The following TPH2 variants were observed in gnomAD, a reference collection of about 807,000 sequenced individuals.
TPH2 encodes tryptophan 5-hydroxylase 2.
A neutral mutation model predicts 59.1 loss-of-function variants in TPH2; 27 were observed. The observed-to-expected ratio is 0.46, with a 90% CI of 0.34 to 0.63. The LOEUF is 0.63. Among genes scored for constraint, TPH2 ranks in the 30% least tolerant of loss-of-function variants. TPH2 has a pLI of 0.01. For synonymous variants in TPH2, 220 were observed against 210.5 expected (o/e 1.05, Z -0.39); for missense variants, 523 against 588.3 (o/e 0.89, Z 1.15).
intron 8 of TPH2, among the ~76,000 whole-genome samples, chr12:72,022,110 T>C (rs889094243): frequency 3.7e-4 from 56 of 152,182 alleles, no homozygotes; most frequent in African/African-American, 1.3e-3. Flanking sequence ...TCTACATCTG[T>C]GTTTTTTGTT....
chr12:72,010,800 A>G (rs1254786967), intron 8 of TPH2, among the ~76,000 whole-genome samples: 2 of 152,182 alleles, frequency 1.3e-5, no homozygotes, highest in Admixed American at 1.3e-4. Flanking sequence ...AGCATTCGAG[A>G]GCTGACCTTT....
Position 71,941,676 on chromosome 12 carries a change from T to G in TPH2, c.198T>G (p.Val66=). 6.2e-7 allele frequency: 1 copy of G among 1,614,122 alleles called. No homozygotes were observed. ...CTACCGAAAGTGGCAAGACAGCAGT[T>G]GTTTTCTCCTTGAAGAATGAAGTTG... ...EAATESGKTA[V]VFSLKNEVGG... Residue 66 remains valine (V), a synonymous_variant, in exon 2 of 11, where the codon GTT becomes GTG. Coordinates refer to ENST00000333850, the MANE Select transcript of TPH2 (RefSeq NM_173353.4).
At chr12:72,000,676 C>T (rs748676615) in intron 8 of TPH2, among the ~76,000 whole-genome samples, 2 of 152,172 alleles carry the variant, frequency 1.3e-5, no homozygotes, top group Admixed American at 6.5e-5. Flanking sequence ...GCTTTTCTAA[C>T]AACTGGATGA....
chr12:72,006,084 T>C (rs186815404), intron 8 of TPH2, among the ~76,000 whole-genome samples: 265 of 152,264 alleles, frequency 1.7e-3, no homozygotes, highest in African/African-American at 5.9e-3. Context: ...CTATGCGGTT[T>C]TCCTGAGCTG....
intron 6 of TPH2, 41 bp from the exon 7 acceptor site, chr12:71,978,911 C>G: frequency 1.2e-6 from 2 of 1,613,814 alleles, no homozygotes; most frequent in Non-Finnish European, 1.7e-6. Flanking sequence ...TCAAGTCTTG[C>G]TGGGTTAATA....
intron 7 of TPH2, among the ~76,000 whole-genome samples, chr12:71,988,364 G>A (rs1342499601): frequency 6.6e-6 from 1 of 152,176 alleles, no homozygotes; most frequent in Non-Finnish European, 1.5e-5. Context: ...GTAAAGAAAA[G>A]GGGTTTAATT....
chr12:72,009,772 A>G (rs1376261905), intron 8 of TPH2, among the ~76,000 whole-genome samples: 1 of 152,228 alleles, frequency 6.6e-6, no homozygotes, highest in East Asian at 1.9e-4. Flanking sequence ...AAAGCTAGAC[A>G]GACCCCTGTC....
intron 4 of TPH2, among the ~76,000 whole-genome samples, chr12:71,945,762 A>T (rs935329857): frequency 6.6e-6 from 1 of 152,204 alleles, no homozygotes; most frequent in African/African-American, 2.4e-5. Flanking sequence ...CATTTGACAT[A>T]ATATACCAAC....
Position 72,031,277 on chromosome 12 carries a change from C to T in TPH2, c.1184C>T (p.Ala395Val). 6.2e-7 allele frequency: 1 copy of T among 1,613,518 alleles called. No homozygotes were observed. The highest frequency in any genetic ancestry group is 8.5e-7 in the Non-Finnish European group (1 of 1,179,544). The change falls in exon 10 of 11, where the codon GCA (alanine) becomes GTA (valine). Residue 395 changes from alanine (A) to valine (V), a missense_variant. Coordinates refer to ENST00000333850, the MANE Select transcript of TPH2 (RefSeq NM_173353.4). The stretch of plus-strand genomic sequence containing the variant: ...TTGCAGCACGCCCTTTCTGACAAGG[C>T]ATGTGTGAAAGCCTTTGACCCAAAG... ...GELKHALSDK[A>V]CVKAFDPKTT...
chr12:71,971,923 T>C (rs1566131906), intron 5 of TPH2, among the ~76,000 whole-genome samples: 2 of 152,156 alleles, frequency 1.3e-5, no homozygotes, highest in Admixed American at 6.6e-5. Context: ...TCATCCTAAA[T>C]TGAGGGGGCT....
At chr12:72,006,536 G>A (rs1872957810) in intron 8 of TPH2, among the ~76,000 whole-genome samples, 1 of 152,058 alleles carries the variant, frequency 6.6e-6, no homozygotes, top group Non-Finnish European at 1.5e-5. Flanking sequence ...AGGGGATGAG[G>A]AATCTGATCA....
At chr12:71,998,910 G>T (rs1872755863) in intron 8 of TPH2, among the ~76,000 whole-genome samples, 1 of 152,152 alleles carries the variant, frequency 6.6e-6, no homozygotes, top group African/African-American at 2.4e-5. Context: ...TTTGACTCTA[G>T]GTGAGATTTA....
At chr12:72,023,603 G>T (rs1873483978) in intron 9 of TPH2, among the ~76,000 whole-genome samples, 1 of 152,062 alleles carries the variant, frequency 6.6e-6, no homozygotes, top group Admixed American at 6.6e-5. Flanking sequence ...GCTGAGGTGG[G>T]CGGATCACCT....
chr12:71,992,425 C>A (rs1179801917), intron 7 of TPH2, among the ~76,000 whole-genome samples: 1 of 151,218 alleles, frequency 6.6e-6, no homozygotes, highest in African/African-American at 2.4e-5. Context: ...CCCCCACCCC[C>A]ACCCCCGCCC....
chr12:71,979,022 C>T lies in TPH2; in HGVS notation c.876C>T (p.Ala292=). The T allele has an allele frequency of 2.5e-6, 4 of 1,614,124 alleles. No individual in the cohort carries two copies. The highest frequency in any genetic ancestry group is 3.4e-6 in the Non-Finnish European group (4 of 1,180,012). Residue 292 remains alanine (A), a synonymous_variant, in exon 7 of 11, where the codon GCC becomes GCT. Coordinates refer to ENST00000333850, the MANE Select transcript of TPH2 (RefSeq NM_173353.4). The stretch of plus-strand genomic sequence containing the variant: ...CACGAGACTTTCTGGCAGGACTGGC[C>T]TACAGAGTGTTCCACTGTACCCAGT... ...LSPRDFLAGL[A]YRVFHCTQYI...
chr12:71,973,967 A>T (rs2139204769), intron 6 of TPH2, among the ~76,000 whole-genome samples: 1 of 151,650 alleles, frequency 6.6e-6, no homozygotes. Context: ...TAGGCTTGTG[A>T]GGGGTTGGGG....
intron 8 of TPH2, among the ~76,000 whole-genome samples, chr12:72,012,439 A>T (rs1873124537): frequency 6.6e-6 from 1 of 152,232 alleles, no homozygotes; most frequent in Non-Finnish European, 1.5e-5. Flanking sequence ...GAATCTGCAA[A>T]GAGCAGGATC....
chr12:72,030,267 A>G (rs1450796031), intron 9 of TPH2, among the ~76,000 whole-genome samples: 1 of 152,182 alleles, frequency 6.6e-6, no homozygotes, highest in African/African-American at 2.4e-5. Flanking sequence ...AACCACTTAT[A>G]TTGGAGTCAA....
At chr12:72,003,408 C>A (rs555518989) in intron 8 of TPH2, among the ~76,000 whole-genome samples, 2 of 152,288 alleles carry the variant, frequency 1.3e-5, no homozygotes, top group African/African-American at 4.8e-5. Flanking sequence ...TTAATAATAT[C>A]TATTCCAAGT....
Sources: gnomAD v4.1 joint callset for allele counts (sites outside exome capture counted in the v4.1 genomes callset) on GRCh38, gnomAD v4.1.1 for gene constraint, MANE v1.5 for transcripts, NCBI Gene and HGNC (gene_info 2026-07-23, HGNC 2026-07-21) for gene names.